Variants in ZNF385B observed in about 807,000 individuals in gnomAD.
ZNF385B encodes zinc finger protein 533.
A neutral mutation model predicts 39.2 loss-of-function variants in ZNF385B; 23 were observed. The ratio of observed to expected loss-of-function variants is 0.59; its 90% CI spans 0.42 to 0.83. The LOEUF is 0.83. Among genes scored for constraint, ZNF385B ranks in the 40% least tolerant of loss-of-function variants. ZNF385B has a pLI of 0.00. For missense variants in ZNF385B, 552 were observed against 598.9 expected (o/e 0.92, Z 0.82); for synonymous variants, 205 against 222.6 (o/e 0.92, Z 0.70).
intron 5 of ZNF385B, among the ~76,000 whole-genome samples, chr2:179,497,734 T>C (rs2056375388): frequency 6.6e-6 from 1 of 152,040 alleles, no homozygotes; most frequent in Admixed American, 6.6e-5. Flanking sequence ...TAACATTGAA[T>C]GTAAATACAC....
intron 3 of ZNF385B, among the ~76,000 whole-genome samples, chr2:179,695,540 T>A (rs959152074): frequency 6.6e-6 from 1 of 151,802 alleles, no homozygotes; most frequent in Admixed American, 6.6e-5. Context: ...GGGAGAGAGA[T>A]TTAAACAGAT....
chr2:179,790,398 C>G (rs1250580707), intron 1 of ZNF385B, among the ~76,000 whole-genome samples: 3 of 152,182 alleles, frequency 2.0e-5, no homozygotes, highest in Non-Finnish European at 4.4e-5. Flanking sequence ...AAGTACACAT[C>G]AGAAACACCC....
chr2:179,675,057 T>A (rs986344572), intron 3 of ZNF385B, among the ~76,000 whole-genome samples: 1 of 152,108 alleles, frequency 6.6e-6, no homozygotes, highest in Non-Finnish European at 1.5e-5. Flanking sequence ...CACAAGTAAC[T>A]TCAACTCCCA....
chr2:179,623,055 C>G (rs1453420317), intron 3 of ZNF385B, among the ~76,000 whole-genome samples: 2 of 152,192 alleles, frequency 1.3e-5, no homozygotes, highest in African/African-American at 4.8e-5. Flanking sequence ...AAAATGTTGG[C>G]ACTTGGCGCT....
intron 3 of ZNF385B, among the ~76,000 whole-genome samples, chr2:179,556,463 A>C (rs535615651): frequency 6.7e-6 from 1 of 149,966 alleles, no homozygotes; most frequent in Non-Finnish European, 1.5e-5. Context: ...ATTCTAACAA[A>C]TGCTTTCTCA....
chr2:179,748,995 A>G (rs924904966), intron 3 of ZNF385B, among the ~76,000 whole-genome samples: 2 of 152,078 alleles, frequency 1.3e-5, no homozygotes, highest in Admixed American at 6.6e-5. Context: ...GAACACAATC[A>G]CAAAGTCATT....
chr2:179,527,134 T>G (rs1313215815), intron 4 of ZNF385B, among the ~76,000 whole-genome samples: 2 of 152,218 alleles, frequency 1.3e-5, no homozygotes, highest in Non-Finnish European at 2.9e-5. Flanking sequence ...TTGAGGCTGG[T>G]TGACTACAGG....
chr2:179,827,554 T>C (rs1707746704), intron 1 of ZNF385B, among the ~76,000 whole-genome samples: 2 of 152,162 alleles, frequency 1.3e-5, no homozygotes, highest in African/African-American at 4.8e-5. Context: ...AATTCTCAAA[T>C]GCAAAATGTA....
chr2:179,855,174 A>T (rs540866698), intron 1 of ZNF385B, among the ~76,000 whole-genome samples: 1 of 152,360 alleles, frequency 6.6e-6, no homozygotes, highest in South Asian at 2.1e-4. Context: ...TGATATAATG[A>T]TAACATAATA....
chr2:179,607,228 G>A (rs1688879679), intron 3 of ZNF385B, among the ~76,000 whole-genome samples: 1 of 152,096 alleles, frequency 6.6e-6, no homozygotes. Context: ...GAGTGATATG[G>A]TTTGGCTCTG....
intron 4 of ZNF385B, chr2:179,536,372 G>GA (rs376296311): frequency 8.5e-5 from 13 of 152,132 alleles, no homozygotes; most frequent in African/African-American, 2.9e-4. Flanking sequence ...TGTCTTGCCA[G>GA]AAAATCTGAT....
At position 179,551,824 on chromosome 2, in the gene ZNF385B, G is replaced by A. The variant is rs530364684; in HGVS notation, c.299-6855C>T. Among the ~76,000 whole-genome samples the A allele has an allele frequency of 3.3e-5, 5 of 151,982 alleles. No homozygotes were observed. The East Asian group carries it at 7.8e-4, about 24-fold the overall frequency. On this transcript the variant is annotated intron_variant, in intron 3 of 9. Coordinates refer to ENST00000410066, the MANE Select transcript of ZNF385B (RefSeq NM_152520.6). Reference sequence around the variant, plus strand: ...TTGAATTCCTTCTCACAACAGCATCGAGAGTCTGGACACCAGACAGAGTCC... The same window carrying A: ...TTGAATTCCTTCTCACAACAGCATCAAGAGTCTGGACACCAGACAGAGTCC...
intron 3 of ZNF385B, among the ~76,000 whole-genome samples, chr2:179,648,044 A>G (rs1692881079): frequency 6.6e-6 from 1 of 152,150 alleles, no homozygotes; most frequent in Admixed American, 6.5e-5. Flanking sequence ...ATGGGGAGTC[A>G]GGGCCTCCAG....
intron 5 of ZNF385B, among the ~76,000 whole-genome samples, chr2:179,498,695 A>T (rs1399696286): frequency 1.3e-5 from 2 of 152,034 alleles, no homozygotes; most frequent in Non-Finnish European, 2.9e-5. Flanking sequence ...CAGTACTAAG[A>T]GAGTTTATAG....
intron 3 of ZNF385B, among the ~76,000 whole-genome samples, chr2:179,701,587 T>C (rs189009627): frequency 3.0e-4 from 46 of 152,352 alleles, no homozygotes; most frequent in African/African-American, 7.9e-4. Flanking sequence ...TAAGCATCAG[T>C]TTAAAATGTC....
In ZNF385B at chr2:179,609,710, C is replaced by T. The variant is rs562140378; in HGVS notation, c.299-64741G>A. 5.3e-5 allele frequency among the ~76,000 whole-genome samples: 8 copies of T among 152,290 alleles called. No homozygotes were observed. In the South Asian group the frequency reaches 8.3e-4, roughly 16 times the overall value. On this transcript the variant is annotated intron_variant, in intron 3 of 9. Transcript: ENST00000410066. Reference sequence around the variant, plus strand: ...TTCCCACCAACAGTGTACAAAGAGTCGCTTCTCTCCATATCCTTGCCAGCA... The same window carrying T: ...TTCCCACCAACAGTGTACAAAGAGTTGCTTCTCTCCATATCCTTGCCAGCA...
chr2:179,848,306 A>ATATC (rs563279395), intron 1 of ZNF385B, among the ~76,000 whole-genome samples: 35 of 152,330 alleles, frequency 2.3e-4, no homozygotes, highest in African/African-American at 8.2e-4. Flanking sequence ...TAAGAAAATC[A>ATATC]TATCTTGTAA....
intron 6 of ZNF385B, among the ~76,000 whole-genome samples, chr2:179,470,408 T>G (rs1581253): frequency 2.0e-5 from 3 of 151,984 alleles, no homozygotes; most frequent in Non-Finnish European, 2.9e-5. Flanking sequence ...GGCCGCATCT[T>G]GCAAAACTGA....
chr2:179,714,716 C>T (rs927595123), intron 3 of ZNF385B, among the ~76,000 whole-genome samples: 37 of 151,854 alleles, frequency 2.4e-4, no homozygotes, highest in African/African-American at 7.3e-4. Context: ...GAGGGGGAGG[C>T]GGGCGGATCA....
Sources: gnomAD v4.1 joint callset for allele counts (sites outside exome capture counted in the v4.1 genomes callset) on GRCh38, gnomAD v4.1.1 for gene constraint, MANE v1.5 for transcripts, NCBI Gene and HGNC (gene_info 2026-07-23, HGNC 2026-07-21) for gene names.